The following PTPN5 variants were observed in gnomAD, a reference collection of about 807,000 sequenced individuals.
PTPN5 encodes protein tyrosine phosphatase non-receptor type 5.
In PTPN5, 29 loss-of-function variants were observed where a neutral mutation model predicts 73.9. That is an observed-to-expected ratio of 0.39 (90% CI 0.29 to 0.54). The LOEUF (loss-of-function observed/expected upper bound fraction) is 0.54, where lower values mean the gene tolerates loss of function less well. PTPN5 is among the 20% of genes least tolerant of loss of function. The pLI is 0.65. For missense variants in PTPN5, 652 were observed against 751.4 expected (o/e 0.87, Z 1.55); for synonymous variants, 267 against 304.7 (o/e 0.88, Z 1.29).
At chr11:18,757,679 G>A (rs1487024783) in intron 3 of PTPN5, among the ~76,000 whole-genome samples, 1 of 152,168 alleles carries the variant, frequency 6.6e-6, no homozygotes, top group East Asian at 1.9e-4. Flanking sequence ...CTACCCAAGT[G>A]CTCATGAGTG....
Position 18,742,911 on chromosome 11 carries a change from A to G in PTPN5, c.483+81T>C. ...CCCCACCCAGAATGTCCAGCCTATA[A>G]GTCAGATGGGAGCTGGTAGAAATCC... On this transcript the variant is annotated intron_variant, in intron 6 of 14. Coordinates refer to ENST00000358540, the MANE Select transcript of PTPN5 (RefSeq NM_006906.2). This position sits in a 1 kb window ranked among gnomAD's most constrained non-coding sequence, Gnocchi z 4.1. 4 of 958,534 alleles carry G rather than the reference A, an allele frequency of 4.2e-6. No homozygotes were observed. The South Asian group carries it at 4.2e-5, about 10-fold the overall frequency. The allele number at this position is 958,534 out of a possible 1,614,324, so 59.4% of individuals were successfully genotyped here.
chr11:18,791,823 T>C (rs1339399240), upstream of PTPN5: 2 of 151,954 alleles, frequency 1.3e-5, no homozygotes, highest in South Asian at 4.1e-4. Flanking sequence ...CGGGTGGGTT[T>C]GGCACCCCCC....
chr11:18,728,834 G>A lies in PTPN5; in HGVS notation c.*100C>T, dbSNP rs1848738593. Reference sequence around the variant, plus strand: ...AGGACAGAGGGAGCTGACTGAAGGGGAGGAAGCGGGGAGCAGGCCCAGGAC... The same window carrying A: ...AGGACAGAGGGAGCTGACTGAAGGGAAGGAAGCGGGGAGCAGGCCCAGGAC... On this transcript the variant is annotated 3_prime_UTR_variant, in exon 15 of 15. Transcript: ENST00000358540. This position sits in a 1 kb window ranked among gnomAD's most constrained non-coding sequence, Gnocchi z 4.1. The A allele has an allele frequency of 1.5e-5, 17 of 1,124,668 alleles. No individual in the cohort carries two copies. Among genetic ancestry groups the A allele is most frequent in the Non-Finnish European group, 2.2e-5 (17 of 777,178 alleles). 69.7% of individuals were successfully genotyped at this position (1,124,668 alleles called of 1,614,324 possible).
Position 18,733,124 on chromosome 11 carries a change from G to A in PTPN5, c.1218+111C>T. On this transcript the variant is annotated intron_variant, in intron 11 of 14. Transcript: ENST00000358540. This position sits in a 1 kb window ranked among gnomAD's most constrained non-coding sequence, Gnocchi z 4.3. Reference sequence around the variant, plus strand: ...CTCACATCTCCTCATCTTGGCAGCGGAGTGAACACCGCCGACCTCTTGAGA... The same window carrying A: ...CTCACATCTCCTCATCTTGGCAGCGAAGTGAACACCGCCGACCTCTTGAGA... 2 of 1,466,034 alleles carry A rather than the reference G, an allele frequency of 1.4e-6. No individual in the cohort carries two copies. The highest frequency in any genetic ancestry group is 1.3e-5 in the South Asian group (1 of 77,692). The allele number at this position is 1,466,034 out of a possible 1,614,324, so 90.8% of individuals were successfully genotyped here. A position where few individuals can be genotyped will look rare whatever the true frequency, so the allele number is the denominator to read the frequency against.
intron 2 of PTPN5, among the ~76,000 whole-genome samples, chr11:18,771,444 C>T (rs1335296256): frequency 6.6e-6 from 1 of 152,218 alleles, no homozygotes; most frequent in East Asian, 1.9e-4. Flanking sequence ...CACTTCTGGG[C>T]TCCCCCACAC....
At chr11:18,759,397 T>C (rs528652919) in intron 3 of PTPN5, among the ~76,000 whole-genome samples, 221 of 152,336 alleles carry the variant, frequency 1.5e-3, no homozygotes, top group African/African-American at 5.1e-3. Context: ...GGTCATGCTG[T>C]TGGTCAATAG....
At chr11:18,737,410 G>A (rs1355686276) in intron 9 of PTPN5, among the ~76,000 whole-genome samples, 3 of 152,042 alleles carry the variant, frequency 2.0e-5, no homozygotes, top group African/African-American at 7.2e-5. Context: ...CTTACAATTC[G>A]ACCACACTCC....
chr11:18,790,680 T>G (rs958811371), intron 1 of PTPN5, among the ~76,000 whole-genome samples: 1 of 152,052 alleles, frequency 6.6e-6, no homozygotes, highest in Admixed American at 6.5e-5. Flanking sequence ...AATTACACAC[T>G]TTCGTGGTAC....
chr11:18,764,735 C>T (rs747917113), intron 3 of PTPN5, among the ~76,000 whole-genome samples: 23 of 151,838 alleles, frequency 1.5e-4, no homozygotes, highest in Non-Finnish European at 2.6e-4. Context: ...TTTTTGGAGA[C>T]GGAGTCTTAC....
At chr11:18,735,541 C>T (rs929729002) in intron 9 of PTPN5, among the ~76,000 whole-genome samples, 20 of 152,040 alleles carry the variant, frequency 1.3e-4, no homozygotes, top group Non-Finnish European at 2.5e-4. Context: ...TTAGGCCGGG[C>T]GTGGTGGCTC....
In PTPN5 at chr11:18,737,910, G is replaced by A. The variant is rs1013944826; in HGVS notation, c.970C>T (p.Arg324Trp). ...PKEYDIPGLV[R>W]KNRYKTILPN... ...AGTATGGTTTTGTACCGGTTCTTCC[G>A]CACCAGCCCAGGGATGTCGTACTCT... The change falls in exon 9 of 15, where the codon CGG becomes TGG. Residue 324 changes from arginine to tryptophan, a missense_variant. By Grantham distance (101) the Arg-to-Trp change is moderately radical. This residue lies in a region of PTPN5 where 529 missense variants were observed against 573.9 expected (regional missense o/e 0.92). Transcript: ENST00000358540. The A allele has an allele frequency of 1.4e-5, 22 of 1,614,126 alleles. No homozygotes were observed. Among genetic ancestry groups the A allele is most frequent in the Non-Finnish European group, 1.6e-5 (19 of 1,179,988 alleles).
At chr11:18,780,029 C>G (rs148204534) in intron 1 of PTPN5, among the ~76,000 whole-genome samples, 4 of 152,150 alleles carry the variant, frequency 2.6e-5, no homozygotes, top group African/African-American at 9.7e-5. Flanking sequence ...TGACCTGGCT[C>G]GAAGCTTCAC....
At chr11:18,730,123 T>C in intron 12 of PTPN5, 1 of 503,004 alleles carries the variant, frequency 2.0e-6, no homozygotes, top group Non-Finnish European at 3.5e-6. Context: ...ATCTCCAGGG[T>C]TCCTTATCTT....
At chr11:18,730,210 C>T in intron 12 of PTPN5, 1 of 403,556 alleles carries the variant, frequency 2.5e-6, no homozygotes, top group South Asian at 7.8e-5. Context: ...CTGTGCCTCG[C>T]CTGCGCCTGC....
intron 3 of PTPN5, among the ~76,000 whole-genome samples, chr11:18,750,434 C>A (rs1276443391): frequency 2.0e-5 from 3 of 152,156 alleles, no homozygotes; most frequent in South Asian, 2.1e-4. Flanking sequence ...CCCGCCACAC[C>A]ACGTCATTGG....
At chr11:18,783,810 G>A (rs891523860) in intron 1 of PTPN5, among the ~76,000 whole-genome samples, 7 of 152,206 alleles carry the variant, frequency 4.6e-5, no homozygotes, top group Admixed American at 4.6e-4. Context: ...GTCCACCACA[G>A]TGCCTGGTAC....
rs984759449 is a variant in PTPN5 at position 18,728,740 on chromosome 11, C to A, written c.*194G>T. ...CCTGGCATGTCCCTTCCCGACCCTG[C>A]CCCCCACTCCCCAATATGTACAGTA... On this transcript the variant is annotated 3_prime_UTR_variant, in exon 15 of 15. Coordinates refer to ENST00000358540, the MANE Select transcript of PTPN5 (RefSeq NM_006906.2). The surrounding 1 kb of genome is among the most constrained non-coding windows in gnomAD (Gnocchi z 4.1). 1 of 546,256 alleles carries A rather than the reference C, an allele frequency of 1.8e-6. No individual in the cohort carries two copies. The highest frequency in any genetic ancestry group is 3.4e-5 in the East Asian group (1 of 29,142). 33.8% of individuals were successfully genotyped at this position (546,256 alleles called of 1,614,324 possible).
At chr11:18,748,140 C>T (rs970800669) in intron 3 of PTPN5, among the ~76,000 whole-genome samples, 3 of 152,148 alleles carry the variant, frequency 2.0e-5, no homozygotes, top group African/African-American at 7.2e-5. Flanking sequence ...AGTCAGGATT[C>T]TCAGGTTTCA....
chr11:18,745,876 G>A (rs964558002), intron 3 of PTPN5, among the ~76,000 whole-genome samples: 7 of 151,946 alleles, frequency 4.6e-5, no homozygotes, highest in African/African-American at 1.7e-4. Context: ...CTTCAATCCA[G>A]GGCAGTCAGA....
Sources: allele counts gnomAD v4.1 joint callset (sites outside exome capture counted in the v4.1 genomes callset), GRCh38; gene constraint gnomAD v4.1.1; regional missense constraint gnomAD v4.1.1; non-coding constraint Gnocchi (gnomAD v3.1); transcripts MANE v1.5; gene names NCBI Gene and HGNC (gene_info 2026-07-23, HGNC 2026-07-21).